The following EML5 variants were observed in gnomAD, a reference collection of about 807,000 sequenced individuals.
EML5 encodes the protein EMAP like 5.
Under a neutral mutation model 250.0 loss-of-function variants are expected in EML5, and 120 were observed. The ratio of observed to expected loss-of-function variants is 0.48; its 90% CI spans 0.41 to 0.56. The LOEUF (loss-of-function observed/expected upper bound fraction) is 0.56. Ranked by LOEUF, EML5 falls within the 20% of genes least tolerant of loss-of-function variation. EML5 has a pLI of 0.00. For synonymous variants in EML5, 771 were observed against 806.5 expected, an observed-to-expected ratio of 0.96 and a Z score of 0.75; for missense variants, 2,006 against 2,437.6, an observed-to-expected ratio of 0.82 and a Z score of 3.73.
At chr14:88,628,517 AT>A (rs1174835741) in intron 33 of EML5, among the ~76,000 whole-genome samples, 1 of 152,024 alleles carries the variant, frequency 6.6e-6, no homozygotes, top group African/African-American at 2.4e-5. Flanking sequence ...ATAGTTTTAT[AT>A]TTTCTTTTTT....
At position 88,635,282 on chromosome 14, in the gene EML5, C is replaced by T. The variant is rs547637988; in HGVS notation, c.4337-793G>A. On this transcript the variant is annotated intron_variant, in intron 32 of 43. Coordinates refer to ENST00000554922, the MANE Select transcript of EML5 (RefSeq NM_183387.3). ...ATAACATAGGACCATAGTGCCTTGACCTGGAACATGAGGAAAAACAGAATA... is the reference window on the plus strand; with the variant it reads ...ATAACATAGGACCATAGTGCCTTGATCTGGAACATGAGGAAAAACAGAATA... Among the ~76,000 whole-genome samples, 3 of 152,220 alleles carry T rather than the reference C, an allele frequency of 2.0e-5. No individual in the cohort carries two copies. The South Asian group carries it at 6.2e-4, about 32-fold the overall frequency.
chr14:88,621,195 C>T lies in EML5; in HGVS notation c.5120G>A (p.Gly1707Glu). 6.2e-7 allele frequency: 1 copy of T among 1,613,922 alleles called. No homozygotes were observed. Among genetic ancestry groups the T allele is most frequent in the Non-Finnish European group, 8.5e-7 (1 of 1,179,862 alleles). Residue 1707 changes from glycine (G) to glutamate (E), a missense_variant, in exon 38 of 44, where the codon GGA (glycine) becomes GAA (glutamate). Around this residue, in one of 7 missense-constraint regions of EML5, gnomAD observed 405 missense variants for 523.3 expected, o/e 0.77. Coordinates refer to ENST00000554922, the MANE Select transcript of EML5 (RefSeq NM_183387.3). ...VNGHVDGPIW[G>E]LATHPSRDFF... ...ATCCCTGGAAGGATGTGTTGCTAGT[C>T]CCCAGATTGGCCCATCCACATGACC...
chr14:88,621,730 A>G (rs559097328), intron 37 of EML5: 1 of 309,746 alleles, frequency 3.2e-6, no homozygotes, highest in Non-Finnish European at 6.4e-6. Context: ...AATACACTTA[A>G]TAAGTACAAA....
chr14:88,711,773 T>C (rs1595618746), intron 10 of EML5, among the ~76,000 whole-genome samples: 1 of 151,956 alleles, frequency 6.6e-6, no homozygotes, highest in African/African-American at 2.4e-5. Context: ...GGTGAAACCC[T>C]GTCTCTACTA....
intron 19 of EML5, among the ~76,000 whole-genome samples, 195 bp downstream of exon 19, chr14:88,687,021 T>C (rs113120293): frequency 3.2e-4 from 49 of 152,354 alleles, no homozygotes; most frequent in Non-Finnish European, 5.1e-4. Flanking sequence ...TATTTTACCA[T>C]GTGTATCATA....
intron 28 of EML5, among the ~76,000 whole-genome samples, chr14:88,648,983 C>G (rs2091488573): frequency 6.6e-6 from 1 of 152,058 alleles, no homozygotes; most frequent in African/African-American, 2.4e-5. Context: ...CTCAAGTCTA[C>G]TGTTTTCATC....
At chr14:88,754,819 G>A (rs1566755564) in intron 1 of EML5, 148 bp from the exon 2 acceptor site, 1 of 743,428 alleles carries the variant, frequency 1.3e-6, no homozygotes, top group Non-Finnish European at 2.1e-6. Flanking sequence ...AATTATTTTT[G>A]TTGAGACAGA....
chr14:88,673,364 C>G (rs2092517314), intron 21 of EML5, among the ~76,000 whole-genome samples: 1 of 152,184 alleles, frequency 6.6e-6, no homozygotes, highest in South Asian at 2.1e-4. Flanking sequence ...TCTCAATAAA[C>G]TAGGTATTGA....
At chr14:88,766,352 C>A (rs898173525) in intron 1 of EML5, among the ~76,000 whole-genome samples, 2 of 152,158 alleles carry the variant, frequency 1.3e-5, no homozygotes, top group Non-Finnish European at 2.9e-5. Flanking sequence ...TTCTTTTTCT[C>A]AGCAAGGAAC....
chr14:88,638,678 A>T, intron 32 of EML5, 131 bp downstream of exon 32: 1 of 738,296 alleles, frequency 1.4e-6, no homozygotes, highest in Non-Finnish European at 2.2e-6. Context: ...ATAATTGGGT[A>T]GGGCTTTATG....
At chr14:88,655,952 A>C (rs1187162159) in intron 27 of EML5, among the ~76,000 whole-genome samples, 1 of 152,218 alleles carries the variant, frequency 6.6e-6, no homozygotes, top group Non-Finnish European at 1.5e-5. Flanking sequence ...GTGATCATTA[A>C]AAAGTCAGGA....
chr14:88,645,378 G>A (rs1417578595), intron 29 of EML5, among the ~76,000 whole-genome samples: 1 of 152,178 alleles, frequency 6.6e-6, no homozygotes, highest in Non-Finnish European at 1.5e-5. Context: ...CAGCACAAGA[G>A]TAGATTGTTT....
intron 21 of EML5, among the ~76,000 whole-genome samples, chr14:88,679,285 T>C (rs1271963098): frequency 6.6e-6 from 1 of 151,472 alleles, no homozygotes; most frequent in Admixed American, 6.6e-5. Flanking sequence ...ACAACTCAAC[T>C]CACAACAAAT....
intron 7 of EML5, among the ~76,000 whole-genome samples, chr14:88,730,974 AT>A (rs1220457022): frequency 2.0e-5 from 3 of 152,162 alleles, no homozygotes; most frequent in African/African-American, 7.2e-5. Context: ...AACCAATAGC[AT>A]TAATGGTGAA....
In EML5 at chr14:88,679,092, T is replaced by C. The variant is rs1004836949; in HGVS notation, c.3124+2798A>G. Among the ~76,000 whole-genome samples the C allele has an allele frequency of 2.0e-5, 3 of 151,144 alleles. No individual in the cohort carries two copies. In the South Asian group the frequency reaches 6.4e-4, roughly 32 times the overall value. On this transcript the variant is annotated intron_variant, in intron 21 of 43. Transcript: ENST00000554922. ...CATCACGCTGCATTCTCCCAGTGTG[T>C]CTGTGTTCCTATATCTTCACATGGC...
At chr14:88,651,578 A>G (rs1230075985) in intron 27 of EML5, among the ~76,000 whole-genome samples, 1 of 152,110 alleles carries the variant, frequency 6.6e-6, no homozygotes, top group Non-Finnish European at 1.5e-5. Flanking sequence ...AACAAATGAA[A>G]GAAATTTATG....
chr14:88,682,962 G>C (rs1215548991), intron 20 of EML5, among the ~76,000 whole-genome samples: 2 of 152,186 alleles, frequency 1.3e-5, no homozygotes, highest in African/African-American at 2.4e-5. Context: ...TGCCTGGAGG[G>C]AGAGGCAATC....
rs1001947006 is a variant in EML5, at chr14:88,702,755, T to A, written c.2052-123A>T. 8 of 688,766 alleles carry A rather than the reference T, an allele frequency of 1.2e-5. No homozygotes were observed. In the African/African-American group the frequency reaches 1.3e-4, roughly 11 times the overall value. The allele number at this position is 688,766 out of a possible 1,614,324, so 42.7% of individuals were successfully genotyped here. A position where few individuals can be genotyped will look rare whatever the true frequency, so the allele number is the denominator to read the frequency against. On this transcript the variant is annotated intron_variant, in intron 13 of 43. Transcript: ENST00000554922. ...TTCAATTTCCAGTTTTACAGGATAC[T>A]AAACAATTTTTTTTCAAGAGATGGG...
rs58676323 is a variant in EML5 at position 88,759,685 on chromosome 14, T to TAAAAAA, written c.198-5020_198-5015dup. On this transcript the variant is annotated intron_variant, in intron 1 of 43. Transcript: ENST00000554922. ...AGTGACAGGGCAAGTCACCATCTCT[T>TAAAAAA]AAAAAAAAAAAAAAAAAAACTGGGG... Among the ~76,000 whole-genome samples the TAAAAAA allele has an allele frequency of 3.5e-3, 325 of 92,886 alleles. 7 individuals are homozygous for TAAAAAA. Among genetic ancestry groups the TAAAAAA allele is most frequent in the African/African-American group, 0.011 (204 of 18,068 alleles). 60.9% of individuals were successfully genotyped at this position (92,886 alleles called of 152,430 possible).
Sources: gnomAD v4.1 joint callset for allele counts (sites outside exome capture counted in the v4.1 genomes callset) on GRCh38, gnomAD v4.1.1 for gene constraint, gnomAD v4.1.1 regional missense constraint, MANE v1.5 for transcripts, NCBI Gene and HGNC (gene_info 2026-07-23, HGNC 2026-07-21) for gene names.